MAP3K1: variants seen among roughly 807,000 people sequenced by gnomAD.
The protein encoded by MAP3K1 is MAP/ERK kinase kinase 1.
In MAP3K1, 36 loss-of-function variants were observed where a neutral mutation model predicts 144.2. That is an observed-to-expected ratio of 0.25 (90% CI 0.19 to 0.33). The LOEUF (loss-of-function observed/expected upper bound fraction) is 0.33. MAP3K1 is among the 10% of genes least tolerant of loss of function. The probability of loss-of-function intolerance (pLI) is 1.00; values close to 1 mark genes in which losing one functional copy is unlikely to be tolerated. For missense variants in MAP3K1, 1,650 were observed against 1,881.9 expected, an observed-to-expected ratio of 0.88 and a Z score of 2.28; for synonymous variants, 718 against 688.7, an observed-to-expected ratio of 1.04 and a Z score of -0.67.
chr5:56,848,060 T>G (rs1389120153), intron 1 of MAP3K1, among the ~76,000 whole-genome samples: 1 of 151,828 alleles, frequency 6.6e-6, no homozygotes, highest in Admixed American at 6.6e-5. Flanking sequence ...AAAGGGAGAT[T>G]TGGGCATGTA....
intron 1 of MAP3K1, among the ~76,000 whole-genome samples, chr5:56,838,673 C>G (rs1746725167): frequency 6.6e-6 from 1 of 152,000 alleles, no homozygotes; most frequent in South Asian, 2.1e-4. Context: ...TTCTTCCATT[C>G]AATTCGAAGA....
In MAP3K1 at chr5:56,882,020, TTCAA is replaced by T; in HGVS notation, c.2821_2824del (p.Ser941GlnfsTer26). On this transcript the variant is annotated frameshift_variant, in exon 14 of 20. Coordinates refer to ENST00000399503, the MANE Select transcript of MAP3K1 (RefSeq NM_005921.2). LOFTEE classifies it high-confidence loss of function. ...CCAGCATTTCAGTAGGACCTTCTAG[TTCAA>T]CAACAACAACAACAACAACAACAGA... 1 of 1,526,266 alleles carries T rather than the reference TTCAA, an allele frequency of 6.6e-7. No individual in the cohort carries two copies. The highest frequency in any genetic ancestry group is 8.8e-7 in the Non-Finnish European group (1 of 1,136,994). The allele number at this position is 1,526,266 out of a possible 1,614,324, so 94.5% of individuals were successfully genotyped here.
chr5:56,886,180 G>A (rs996847554), intron 17 of MAP3K1, 117 bp downstream of exon 17: 3 of 794,262 alleles, frequency 3.8e-6, no homozygotes, highest in Admixed American at 2.0e-5. Flanking sequence ...AAGGCAGGTG[G>A]ATCACTTGAG....
chr5:56,823,777 C>T (rs538353316), intron 1 of MAP3K1, among the ~76,000 whole-genome samples: 28 of 152,234 alleles, frequency 1.8e-4, no homozygotes, highest in African/African-American at 6.3e-4. Context: ...AATAGGACAG[C>T]TTAATGTAGT....
intron 6 of MAP3K1, among the ~76,000 whole-genome samples, chr5:56,869,686 T>C (rs562736146): frequency 7.2e-4 from 110 of 152,354 alleles, no homozygotes; most frequent in African/African-American, 2.0e-3. Flanking sequence ...GTTGCACTTA[T>C]AATTTGACTA....
chr5:56,827,828 C>T (rs569490405), intron 1 of MAP3K1, among the ~76,000 whole-genome samples: 48 of 151,680 alleles, frequency 3.2e-4, no homozygotes, highest in Admixed American at 1.3e-3. Context: ...CGCGCCACTG[C>T]TCTCCAGCCT....
chr5:56,822,331 T>G (rs111336703), intron 1 of MAP3K1, among the ~76,000 whole-genome samples: 7 of 152,312 alleles, frequency 4.6e-5, no homozygotes, highest in African/African-American at 1.7e-4. Flanking sequence ...AGACCATTGC[T>G]TGATGTTTAA....
intron 11 of MAP3K1, among the ~76,000 whole-genome samples, chr5:56,879,972 C>A (rs1407585076): frequency 6.6e-6 from 1 of 152,132 alleles, no homozygotes; most frequent in African/African-American, 2.4e-5. Context: ...AAATTAGGTA[C>A]CTACCTTTAA....
intron 9 of MAP3K1, 147 bp downstream of exon 9, chr5:56,873,152 T>A: frequency 1.3e-6 from 1 of 752,556 alleles, no homozygotes; most frequent in Non-Finnish European, 2.2e-6. Context: ...ATTTTAATGT[T>A]ACTTTTGGTA....
chr5:56,892,867 A>G (rs1748587739), intron 19 of MAP3K1, among the ~76,000 whole-genome samples: 1 of 152,148 alleles, frequency 6.6e-6, no homozygotes, highest in Non-Finnish European at 1.5e-5. Context: ...TGGTTATTGC[A>G]GCACAAATTT....
rs1014900282 is a variant in MAP3K1 at position 56,895,738 on chromosome 5, C to A, written c.*2058C>A. On this transcript the variant is annotated 3_prime_UTR_variant, in exon 20 of 20. Transcript: ENST00000399503. The stretch of plus-strand genomic sequence containing the variant: ...TTATTTTCTTTGGATCAAAGCTGGA[C>A]TGGAAATTGTATCGTGTAATTATTT... 4.3e-6 allele frequency: 1 copy of A among 232,080 alleles called. No homozygotes were observed. Among genetic ancestry groups the A allele is most frequent in the African/African-American group, 2.2e-5 (1 of 45,262 alleles). 14.4% of individuals were successfully genotyped at this position (232,080 alleles called of 1,614,324 possible). A position where few individuals can be genotyped will look rare whatever the true frequency, so the allele number is the denominator to read the frequency against.
intron 3 of MAP3K1, among the ~76,000 whole-genome samples, chr5:56,863,394 G>T (rs1381772206): frequency 1.3e-5 from 2 of 152,238 alleles, no homozygotes; most frequent in African/African-American, 4.8e-5. Flanking sequence ...ATATAAATGG[G>T]ATCACTTAAT....
chr5:56,841,320 T>C (rs1430170484), intron 1 of MAP3K1, among the ~76,000 whole-genome samples: 2 of 152,202 alleles, frequency 1.3e-5, no homozygotes, highest in Non-Finnish European at 2.9e-5. Flanking sequence ...CTGAGAGCTT[T>C]GATAGAGTCT....
At chr5:56,867,649 T>C (rs1747717718) in intron 6 of MAP3K1, among the ~76,000 whole-genome samples, 1 of 152,210 alleles carries the variant, frequency 6.6e-6, no homozygotes, top group Non-Finnish European at 1.5e-5. Context: ...ATTCAGTTAT[T>C]GTAAGCATGT....
intron 6 of MAP3K1, among the ~76,000 whole-genome samples, chr5:56,869,069 T>A (rs1747771088): frequency 6.6e-6 from 1 of 151,488 alleles, no homozygotes; most frequent in African/African-American, 2.4e-5. Flanking sequence ...GGCAACATAG[T>A]GTGACCCTGT....
In MAP3K1 at chr5:56,833,125, C is replaced by T. The variant is rs990266824; in HGVS notation, c.482+17070C>T. Among the ~76,000 whole-genome samples the T allele has an allele frequency of 3.3e-5, 5 of 152,334 alleles. No individual in the cohort carries two copies. The East Asian group carries it at 7.7e-4, about 24-fold the overall frequency. Reference sequence around the variant, plus strand: ...GACCTTGTGATCCGCCTGCCTCAGCCTCCCAAAGTGCTGGGATTACAGGCG... The same window carrying T: ...GACCTTGTGATCCGCCTGCCTCAGCTTCCCAAAGTGCTGGGATTACAGGCG... On this transcript the variant is annotated intron_variant, in intron 1 of 19. Transcript: ENST00000399503.
intron 1 of MAP3K1, among the ~76,000 whole-genome samples, chr5:56,854,176 G>A (rs374431585): frequency 4.6e-5 from 7 of 152,136 alleles, no homozygotes; most frequent in South Asian, 2.1e-4. Flanking sequence ...CAAATGTGGT[G>A]TAATCCCAGC....
At chr5:56,829,210 C>T (rs1446018308) in intron 1 of MAP3K1, among the ~76,000 whole-genome samples, 1 of 150,168 alleles carries the variant, frequency 6.7e-6, no homozygotes, top group Non-Finnish European at 1.5e-5. Context: ...GAGACAGGGT[C>T]TCACTCCTTC....
At chr5:56,881,338 G>T in intron 13 of MAP3K1, 66 bp downstream of exon 13, 1 of 1,376,736 alleles carries the variant, frequency 7.3e-7, no homozygotes, top group South Asian at 1.2e-5. Flanking sequence ...CCTCAAGAAT[G>T]ACACATTTTA....
Sources: allele counts gnomAD v4.1 joint callset (sites outside exome capture counted in the v4.1 genomes callset), GRCh38; gene constraint gnomAD v4.1.1; transcripts MANE v1.5; gene names NCBI Gene and HGNC (gene_info 2026-07-23, HGNC 2026-07-21).